PXDN: variants seen among roughly 807,000 people sequenced by gnomAD.
The protein encoded by PXDN is peroxidasin, also known as peroxidasin homolog.
Under a neutral mutation model 140.3 loss-of-function variants are expected in PXDN, and 77 were observed. The ratio of observed to expected loss-of-function variants is 0.55; its 90% CI spans 0.46 to 0.66. The LOEUF is 0.66. PXDN is among the 30% of genes least tolerant of loss of function. The pLI, the probability that PXDN is intolerant of heterozygous loss-of-function variation, is 0.00. For synonymous variants in PXDN, 911 were observed against 857.4 expected (o/e 1.06, Z -1.09); for missense variants, 1,838 against 2,039.5 (o/e 0.90, Z 1.90).
intron 16 of PXDN, among the ~76,000 whole-genome samples, chr2:1,650,780 T>C (rs747397868): frequency 6.6e-5 from 10 of 152,098 alleles, no homozygotes; most frequent in Non-Finnish European, 1.3e-4. Context: ...ACTCACACTT[T>C]CACGTGTGCA....
At chr2:1,680,411 T>C in intron 6 of PXDN, 49 bp from the exon 7 acceptor site, 1 of 1,595,424 alleles carries the variant, frequency 6.3e-7, no homozygotes, top group Non-Finnish European at 8.6e-7. Flanking sequence ...GCTGGGCTTG[T>C]CCATCCATCC....
intron 21 of PXDN, chr2:1,637,136 C>T (rs1682580492): frequency 6.6e-6 from 1 of 152,508 alleles, no homozygotes; most frequent in Non-Finnish European, 1.5e-5. Flanking sequence ...TGGTCCCCCT[C>T]TGCCTCTGCT....
intron 4 of PXDN, among the ~76,000 whole-genome samples, chr2:1,686,114 G>A (rs1684050686): frequency 6.6e-6 from 1 of 152,202 alleles, no homozygotes; most frequent in Admixed American, 6.5e-5. Flanking sequence ...CAGTTCGCCA[G>A]GGTCAGGCAC....
rs1684020596 is a variant in PXDN at position 1,685,165 on chromosome 2, C to T, written c.417-1014G>A. Among the ~76,000 whole-genome samples, 1 of 152,204 alleles carries T rather than the reference C, an allele frequency of 6.6e-6. No individual in the cohort carries two copies. Among genetic ancestry groups the T allele is most frequent in the Non-Finnish European group, 1.5e-5 (1 of 68,038 alleles). Reference sequence around the variant, plus strand: ...CCCGGGGCCAGCTCCCCAGGCAGCACCCACACAGGCCACACTGAGTCTCTG... The same window carrying T: ...CCCGGGGCCAGCTCCCCAGGCAGCATCCACACAGGCCACACTGAGTCTCTG... On this transcript the variant is annotated intron_variant, in intron 4 of 22. Coordinates refer to ENST00000252804, the MANE Select transcript of PXDN (RefSeq NM_012293.3). The surrounding 1 kb of genome is among the most constrained non-coding windows in gnomAD (Gnocchi z 5.1).
chr2:1,684,437 T>C (rs1257719874), intron 4 of PXDN, among the ~76,000 whole-genome samples: 2 of 152,218 alleles, frequency 1.3e-5, no homozygotes, highest in African/African-American at 4.8e-5. Context: ...AGTGCTGGCC[T>C]GGCCTGACTC....
chr2:1,714,822 G>C lies in PXDN; in HGVS notation c.201-21688C>G, dbSNP rs1684859142. Among the ~76,000 whole-genome samples the C allele has an allele frequency of 6.6e-6, 1 of 152,114 alleles. No homozygotes were observed. The highest frequency in any genetic ancestry group is 1.5e-5 in the Non-Finnish European group (1 of 68,020). On this transcript the variant is annotated intron_variant, in intron 1 of 22. Coordinates refer to ENST00000252804, the MANE Select transcript of PXDN (RefSeq NM_012293.3). The surrounding 1 kb of genome is among the most constrained non-coding windows in gnomAD (Gnocchi z 4.3). ...GGACAAACCAGGCCTGGGTCAGATG[G>C]GGCCCCTGGCCAAGGGCACAGGAAG...
At chr2:1,699,357 C>A (rs1684367681) in intron 1 of PXDN, among the ~76,000 whole-genome samples, 1 of 151,554 alleles carries the variant, frequency 6.6e-6, no homozygotes, top group Non-Finnish European at 1.5e-5. Flanking sequence ...ATAAAACAAT[C>A]TTGACTTTTC....
chr2:1,736,762 G>A (rs1425331933), intron 1 of PXDN, among the ~76,000 whole-genome samples: 2 of 152,160 alleles, frequency 1.3e-5, no homozygotes, highest in Non-Finnish European at 2.9e-5. Context: ...GCTAAGGCAG[G>A]AGGATTACTT....
In PXDN at chr2:1,660,919, A is replaced by G. The variant is rs766897132; in HGVS notation, c.1799T>C (p.Ile600Thr). 16 of 1,613,758 alleles carry G rather than the reference A, an allele frequency of 9.9e-6. No individual in the cohort carries two copies. The highest frequency in any genetic ancestry group is 1.7e-5 in the Admixed American group (1 of 60,008). ...CACCATGCTCACCGAGGCCGACCCA[A>G]TGGTGTTCCGGGCCACACACTCATA... is the stretch of plus-strand genomic sequence containing the variant. The part of the protein sequence containing the change: ...GRYECVARNT[I>T]GSASVSMVLS... Residue 600 changes from isoleucine (I) to threonine (T), a missense_variant, in exon 14 of 23, where the codon ATT becomes ACT. Physicochemically the swap from Ile to Thr is moderately conservative, Grantham distance 89. This residue lies in a region of PXDN where 537 missense variants were observed against 583.9 expected (regional missense o/e 0.92). Coordinates refer to ENST00000252804, the MANE Select transcript of PXDN (RefSeq NM_012293.3). The surrounding 1 kb of genome is among the most constrained non-coding windows in gnomAD (Gnocchi z 4.6).
chr2:1,712,356 CT>C (rs1684803799), intron 1 of PXDN, among the ~76,000 whole-genome samples: 1 of 152,174 alleles, frequency 6.6e-6, no homozygotes, highest in African/African-American at 2.4e-5. Flanking sequence ...TGATGTTTCA[CT>C]TTTTTGTAAT....
At chr2:1,694,965 G>A (rs891435646) in intron 1 of PXDN, among the ~76,000 whole-genome samples, 5 of 152,194 alleles carry the variant, frequency 3.3e-5, no homozygotes, top group Admixed American at 2.6e-4. Context: ...AGGCTGTCCC[G>A]GAAGGCCGAG....
intron 17 of PXDN, among the ~76,000 whole-genome samples, chr2:1,647,856 C>CCT (rs1682887137): frequency 6.6e-6 from 1 of 152,196 alleles, no homozygotes; most frequent in African/African-American, 2.4e-5. Flanking sequence ...GCAGTCAACC[C>CCT]CTCTGCCAGA....
At chr2:1,726,805 G>T (rs879619703) in intron 1 of PXDN, among the ~76,000 whole-genome samples, 1 of 152,084 alleles carries the variant, frequency 6.6e-6, no homozygotes, top group African/African-American at 2.4e-5. Flanking sequence ...CTTTAATGTA[G>T]TCCTACTTGT....
At chr2:1,698,682 A>C (rs1457336392) in intron 1 of PXDN, among the ~76,000 whole-genome samples, 4 of 152,218 alleles carry the variant, frequency 2.6e-5, no homozygotes, top group Non-Finnish European at 5.9e-5. Context: ...AGGCATTTCA[A>C]GAGGTTAATC....
At chr2:1,653,590 C>T in intron 16 of PXDN, 38 bp downstream of exon 16, 6 of 1,607,196 alleles carry the variant, frequency 3.7e-6, no homozygotes, top group Non-Finnish European at 5.1e-6. Context: ...CCCCGTTACT[C>T]AGGCCATGGA....
chr2:1,660,229 C>T lies in PXDN; in HGVS notation c.1837+652G>A, dbSNP rs140098007. On this transcript the variant is annotated intron_variant, in intron 14 of 22. Transcript: ENST00000252804. This position sits in a 1 kb window ranked among gnomAD's most constrained non-coding sequence, Gnocchi z 4.6. ...GGACACATCATGGGCATCATGGGGTCTGTGGGTTGAGAAAGAGGGGCCAGA... is the reference window on the plus strand; with the variant it reads ...GGACACATCATGGGCATCATGGGGTTTGTGGGTTGAGAAAGAGGGGCCAGA... 5.0e-3 allele frequency among the ~76,000 whole-genome samples: 754 copies of T among 152,242 alleles called. 7 individuals carry two copies. The highest frequency in any genetic ancestry group is 0.012 in the South Asian group (56 of 4,822).
rs778888566 is a variant in PXDN, at chr2:1,649,670, G to C, written c.2110C>G (p.His704Asp). The C allele has an allele frequency of 6.2e-7, 1 of 1,613,848 alleles. No homozygotes were observed. Among genetic ancestry groups the C allele is most frequent in the South Asian group, 1.1e-5 (1 of 91,052 alleles). The part of the protein sequence containing the change: ...LMVDLNGTSY[H>D]YNDLVSPQYL... The stretch of plus-strand genomic sequence containing the variant: ...TGTGGAGACACCAGGTCGTTGTAGT[G>C]GTAACCTGGGACGTGGAGAAAAGCA... Residue 704 changes from histidine to aspartate, a missense_variant, in exon 17 of 23, where the codon CAC becomes GAC. Transcript: ENST00000252804. This position sits in a 1 kb window ranked among gnomAD's most constrained non-coding sequence, Gnocchi z 7.1.
At chr2:1,675,557 C>G (rs1274148852) in intron 8 of PXDN, among the ~76,000 whole-genome samples, 1 of 152,160 alleles carries the variant, frequency 6.6e-6, no homozygotes, top group African/African-American at 2.4e-5. Flanking sequence ...GCACTGCAGC[C>G]AAGGTCAATA....
At chr2:1,661,979 C>T in intron 13 of PXDN, 93 bp downstream of exon 13, 1 of 1,169,274 alleles carries the variant, frequency 8.6e-7, no homozygotes, top group Non-Finnish European at 1.2e-6. Flanking sequence ...GGGCACTGGT[C>T]CGCCTACCTT....
Sources: gnomAD v4.1 joint callset for allele counts (sites outside exome capture counted in the v4.1 genomes callset) on GRCh38, gnomAD v4.1.1 for gene constraint, gnomAD v4.1.1 regional missense constraint, Gnocchi (gnomAD v3.1) non-coding constraint, MANE v1.5 for transcripts, NCBI Gene and HGNC (gene_info 2026-07-23, HGNC 2026-07-21) for gene names.